Variants in SGCD observed in about 807,000 individuals in gnomAD.
SGCD encodes the protein delta-sarcoglycan.
Under a neutral mutation model 36.6 loss-of-function variants are expected in SGCD, and 18 were observed. The ratio of observed to expected loss-of-function variants is 0.49; its 90% confidence interval spans 0.34 to 0.73. The LOEUF is 0.73. Among genes scored for constraint, SGCD ranks in the 30% least tolerant of loss-of-function variants. The probability of loss-of-function intolerance (pLI) is 0.01; values close to 1 mark genes in which losing one functional copy is unlikely to be tolerated. For missense variants in SGCD, 387 were observed against 346.7 expected (o/e 1.12, Z -0.92); for synonymous variants, 133 against 130.6 (o/e 1.02, Z -0.12).
intron 3 of SGCD, among the ~76,000 whole-genome samples, chr5:156,487,075 G>C (rs1008131786): frequency 6.6e-5 from 10 of 152,242 alleles, no homozygotes; most frequent in Middle Eastern, 6.8e-3. Flanking sequence ...ACCACCAGAG[G>C]TGGTATATGC....
intron 3 of SGCD, among the ~76,000 whole-genome samples, chr5:156,453,416 A>G (rs1243332090): frequency 6.6e-6 from 1 of 152,164 alleles, no homozygotes; most frequent in Non-Finnish European, 1.5e-5. Context: ...ATTATATACC[A>G]TGGATGCTGT....
At chr5:156,329,036 T>C (rs1277204773) in intron 1 of SGCD, among the ~76,000 whole-genome samples, 1 of 152,124 alleles carries the variant, frequency 6.6e-6, no homozygotes, top group Non-Finnish European at 1.5e-5. Flanking sequence ...GGTTGCAGGA[T>C]TATAAAGAGC....
rs147368042 is a variant in SGCD at position 156,469,168 on chromosome 5, CTG to C, written c.193-39429_193-39428del. Among the ~76,000 whole-genome samples the C allele has an allele frequency of 8.7e-3, 1,330 of 152,284 alleles. 11 individuals are homozygous for C. Among genetic ancestry groups the C allele is most frequent in the African/African-American group, 0.03 (1,241 of 41,552 alleles). On this transcript the variant is annotated intron_variant, in intron 3 of 8. Transcript: ENST00000337851. ...AGAGCATATAAATCCTCTAGAAACTCTGTGTCTACCCAAGCTTGTGTTTTTTG... is the reference window on the plus strand; with the variant it reads ...AGAGCATATAAATCCTCTAGAAACTCTGTCTACCCAAGCTTGTGTTTTTTG...
At chr5:155,935,898 C>A (rs962844873) in intron 1 of SGCD, among the ~76,000 whole-genome samples, 1 of 152,100 alleles carries the variant, frequency 6.6e-6, no homozygotes, top group Non-Finnish European at 1.5e-5. Flanking sequence ...AGTGAGGGGT[C>A]CAGCCACTGC....
At chr5:156,749,312 T>A (rs1237026957) in intron 7 of SGCD, among the ~76,000 whole-genome samples, 1 of 151,912 alleles carries the variant, frequency 6.6e-6, no homozygotes, top group Admixed American at 6.6e-5. Context: ...CAAAGAAAAA[T>A]TCATAACTTA....
At chr5:156,529,308 C>T (rs1453901031) in intron 4 of SGCD, among the ~76,000 whole-genome samples, 1 of 151,520 alleles carries the variant, frequency 6.6e-6, no homozygotes, top group Non-Finnish European at 1.5e-5. Context: ...GCCGGTAGTC[C>T]CAGCTACTCG....
chr5:155,808,734 C>T, the SGCD span, among the ~76,000 whole-genome samples: 1 of 152,122 alleles, frequency 6.6e-6, no homozygotes, highest in African/African-American at 2.4e-5. Flanking sequence ...TCAAACCTGT[C>T]ATAAAATAGT....
the SGCD span, among the ~76,000 whole-genome samples, chr5:155,817,072 A>G: frequency 6.6e-6 from 1 of 152,306 alleles, no homozygotes; most frequent in East Asian, 1.9e-4. Context: ...TGTGCATCAT[A>G]AACATTTTCT....
At chr5:156,003,741 A>G (rs1016420783) in intron 1 of SGCD, among the ~76,000 whole-genome samples, 4 of 152,214 alleles carry the variant, frequency 2.6e-5, no homozygotes, top group Non-Finnish European at 5.9e-5. Context: ...GACTAAGGAT[A>G]AGCTAGTGGA....
chr5:156,646,239 T>C (rs1369775217), intron 6 of SGCD, among the ~76,000 whole-genome samples: 2 of 152,224 alleles, frequency 1.3e-5, no homozygotes, highest in Admixed American at 1.3e-4. Flanking sequence ...CTTCACTTCC[T>C]TTCTACATCC....
At chr5:156,677,217 T>A (rs1753548047) in intron 7 of SGCD, among the ~76,000 whole-genome samples, 1 of 152,180 alleles carries the variant, frequency 6.6e-6, no homozygotes, top group Non-Finnish European at 1.5e-5. Flanking sequence ...CATGCACACG[T>A]ATGTTTATTG....
chr5:156,344,667 A>C lies in SGCD; in HGVS notation c.182A>C (p.Asn61Thr). The change falls in exon 3 of 9, where the codon AAC (asparagine) becomes ACC (threonine). Residue 61 changes from asparagine to threonine, a missense_variant. Asn to Thr is a moderately conservative substitution (Grantham distance 65). Transcript: ENST00000337851. ...AMTIWILKVM[N>T]FTIDGMGNLR... ...ACCATCTGGATTCTCAAAGTCATGAACTTCACAATTGTAAGTAAAACCATC... is the reference window on the plus strand; with the variant it reads ...ACCATCTGGATTCTCAAAGTCATGACCTTCACAATTGTAAGTAAAACCATC... 6.2e-7 allele frequency: 1 copy of C among 1,601,190 alleles called. No individual in the cohort carries two copies. Among genetic ancestry groups the C allele is most frequent in the Non-Finnish European group, 8.5e-7 (1 of 1,174,252 alleles).
chr5:155,902,356 T>A (rs1371800601), intron 1 of SGCD, among the ~76,000 whole-genome samples: 1 of 152,232 alleles, frequency 6.6e-6, no homozygotes. Context: ...GTTGGTATTG[T>A]TAATGATGTT....
chr5:156,209,875 C>T (rs1371242409), intron 3 of SGCD, among the ~76,000 whole-genome samples: 2 of 152,134 alleles, frequency 1.3e-5, no homozygotes, highest in African/African-American at 4.8e-5. Flanking sequence ...ACCCAAGACC[C>T]AGACCTGCCC....
At chr5:156,290,176 G>A (rs1429038686) in intron 3 of SGCD, among the ~76,000 whole-genome samples, 2 of 152,024 alleles carry the variant, frequency 1.3e-5, no homozygotes, top group African/African-American at 4.8e-5. Flanking sequence ...CTAAACATAG[G>A]TACTATTATT....
At chr5:156,542,986 TATAAC>T (rs958369749) in intron 4 of SGCD, among the ~76,000 whole-genome samples, 20 of 152,088 alleles carry the variant, frequency 1.3e-4, no homozygotes, top group Admixed American at 3.9e-4. Flanking sequence ...GCATCTAAGA[TATAAC>T]AAAAACACAG....
At chr5:156,560,303 A>G (rs940399419) in intron 4 of SGCD, among the ~76,000 whole-genome samples, 2 of 152,244 alleles carry the variant, frequency 1.3e-5, no homozygotes, top group Non-Finnish European at 2.9e-5. Flanking sequence ...GCTGCAGAGC[A>G]GTAACAAAGC....
At chr5:156,172,009 G>T (rs951509342) in intron 3 of SGCD, among the ~76,000 whole-genome samples, 13 of 152,224 alleles carry the variant, frequency 8.5e-5, no homozygotes, top group African/African-American at 3.1e-4. Context: ...CAGGCCGGTC[G>T]TGGTGGCTCA....
At chr5:156,699,688 GA>G (rs1197149471) in intron 7 of SGCD, among the ~76,000 whole-genome samples, 1 of 151,986 alleles carries the variant, frequency 6.6e-6, no homozygotes, top group Non-Finnish European at 1.5e-5. Context: ...GTCAGTTCAG[GA>G]AACCAAAAAA....
Sources: allele counts gnomAD v4.1 joint callset (sites outside exome capture counted in the v4.1 genomes callset), GRCh38; gene constraint gnomAD v4.1.1; transcripts MANE v1.5; gene names NCBI Gene and HGNC (gene_info 2026-07-23, HGNC 2026-07-21).